SOX5: variants seen among roughly 807,000 people sequenced by gnomAD.
SOX5 encodes transcription factor SOX-5.
In SOX5, 9 loss-of-function variants were observed where a neutral mutation model predicts 92.0. The observed-to-expected ratio is 0.10, with a 90% CI of 0.06 to 0.17. The LOEUF is 0.17. Among genes scored for constraint, SOX5 ranks in the 10% least tolerant of loss-of-function variants. SOX5 has a pLI of 1.00. For synonymous variants in SOX5, 344 were observed against 336.3 expected (o/e 1.02, Z -0.25); for missense variants, 642 against 944.5 (o/e 0.68, Z 4.20).
intron 1 of SOX5, among the ~76,000 whole-genome samples, chr12:24,561,808 TA>T (rs1367917522): frequency 5.5e-5 from 6 of 110,082 alleles, no homozygotes; most frequent in African/African-American, 2.5e-4. Context: ...TGACTAAGGT[TA>T]GGGGGTGGGC....
At chr12:24,278,286 C>A (rs1301876748) in intron 2 of SOX5, among the ~76,000 whole-genome samples, 1 of 152,166 alleles carries the variant, frequency 6.6e-6, no homozygotes, top group Non-Finnish European at 1.5e-5. Flanking sequence ...ATTCCAAAAT[C>A]AGAACTTTTG....
intron 6 of SOX5, among the ~76,000 whole-genome samples, chr12:23,716,920 T>C (rs1370763595): frequency 6.6e-6 from 1 of 152,098 alleles, no homozygotes; most frequent in Non-Finnish European, 1.5e-5. Context: ...TCTCTCAAGG[T>C]ACCCTTAAAG....
In SOX5 at chr12:23,719,516, C is replaced by T. The variant is rs566343020; in HGVS notation, c.810+15168G>A. Among the ~76,000 whole-genome samples, 18 of 152,194 alleles carry T rather than the reference C, an allele frequency of 1.2e-4. No individual in the cohort carries two copies. In the East Asian group the frequency reaches 3.5e-3, roughly 29 times the overall value. On this transcript the variant is annotated intron_variant, in intron 6 of 14. Coordinates refer to ENST00000451604, the MANE Select transcript of SOX5 (RefSeq NM_006940.6). ...ATCCCAGCACTTTGGGAAGCCGAGG[C>T]ATGAGGAACCCTTAAGGCCAGAAGT... is the stretch of plus-strand genomic sequence containing the variant.
chr12:23,676,094 G>T (rs2085636086), intron 6 of SOX5, among the ~76,000 whole-genome samples: 2 of 151,968 alleles, frequency 1.3e-5, no homozygotes, highest in African/African-American at 4.8e-5. Flanking sequence ...GGGAGATGTA[G>T]GTCAAAGGGG....
chr12:24,360,607 G>A (rs765050490), intron 2 of SOX5, among the ~76,000 whole-genome samples: 5 of 152,118 alleles, frequency 3.3e-5, no homozygotes, highest in African/African-American at 7.2e-5. Context: ...ATGCAGCCTC[G>A]AGGTTTTTTG....
At chr12:23,793,262 T>C (rs1176003844) in intron 3 of SOX5, among the ~76,000 whole-genome samples, 2 of 152,196 alleles carry the variant, frequency 1.3e-5, no homozygotes, top group African/African-American at 4.8e-5. Context: ...GTAGTTACAG[T>C]GTAAGCCATT....
intron 2 of SOX5, among the ~76,000 whole-genome samples, chr12:24,315,989 A>G (rs1389295590): frequency 6.6e-6 from 1 of 152,182 alleles, no homozygotes; most frequent in Non-Finnish European, 1.5e-5. Context: ...TCTCTTTCAC[A>G]TCACTTGGGG....
At chr12:24,241,203 T>C (rs186340412) in intron 3 of SOX5, among the ~76,000 whole-genome samples, 1 of 152,312 alleles carries the variant, frequency 6.6e-6, no homozygotes, top group Admixed American at 6.5e-5. Flanking sequence ...GATACCAGGA[T>C]ATATCAATAC....
At chr12:24,488,550 C>A (rs1946747170) in intron 1 of SOX5, among the ~76,000 whole-genome samples, 1 of 152,136 alleles carries the variant, frequency 6.6e-6, no homozygotes, top group Admixed American at 6.5e-5. Flanking sequence ...GGCACCACTG[C>A]ACTCTAGCCT....
intron 9 of SOX5, among the ~76,000 whole-genome samples, chr12:23,602,257 C>G (rs1004130975): frequency 1.3e-5 from 2 of 152,136 alleles, no homozygotes; most frequent in Non-Finnish European, 1.5e-5. Context: ...TACTCATTCT[C>G]TTTTGCACAA....
At chr12:23,851,689 G>A (rs1019993985) in intron 2 of SOX5, among the ~76,000 whole-genome samples, 13 of 151,796 alleles carry the variant, frequency 8.6e-5, no homozygotes, top group Non-Finnish European at 1.5e-4. Context: ...AAATAAGAGA[G>A]GTACTTTTGT....
At chr12:23,916,441 C>T (rs1025376497) in intron 1 of SOX5, among the ~76,000 whole-genome samples, 4 of 152,092 alleles carry the variant, frequency 2.6e-5, no homozygotes, top group Middle Eastern at 3.2e-3. Context: ...GGAGTGATGT[C>T]GAGATAGTTT....
At chr12:24,047,719 G>A (rs527979981) in intron 4 of SOX5, among the ~76,000 whole-genome samples, 2 of 152,278 alleles carry the variant, frequency 1.3e-5, no homozygotes, top group African/African-American at 2.4e-5. Flanking sequence ...TATTCAACAA[G>A]ATCATACTGC....
chr12:23,658,642 A>C (rs1464059467), intron 7 of SOX5, among the ~76,000 whole-genome samples: 1 of 152,160 alleles, frequency 6.6e-6, no homozygotes, highest in African/African-American at 2.4e-5. Context: ...CCTTAATCCT[A>C]ACACTTTGGG....
At chr12:24,096,897 A>G (rs1945485303) in intron 4 of SOX5, among the ~76,000 whole-genome samples, 1 of 152,114 alleles carries the variant, frequency 6.6e-6, no homozygotes, top group South Asian at 2.1e-4. Context: ...ATATAGAATT[A>G]GAATTGCTAT....
At chr12:24,126,698 C>G (rs1406983267) in intron 4 of SOX5, among the ~76,000 whole-genome samples, 1 of 152,070 alleles carries the variant, frequency 6.6e-6, no homozygotes, top group East Asian at 1.9e-4. Context: ...TTCTTTCTGC[C>G]CAAATCCTGC....
intron 1 of SOX5, among the ~76,000 whole-genome samples, chr12:24,459,184 T>A (rs1374336626): frequency 3.9e-5 from 6 of 152,204 alleles, no homozygotes; most frequent in African/African-American, 7.2e-5. Flanking sequence ...TGTCACGAAG[T>A]GCTGGTTTAT....
At chr12:24,141,504 T>C (rs1950578157) in intron 4 of SOX5, among the ~76,000 whole-genome samples, 1 of 152,216 alleles carries the variant, frequency 6.6e-6, no homozygotes, top group Non-Finnish European at 1.5e-5. Context: ...TGGAAGAAGA[T>C]ACTAGTGTAA....
At chr12:24,216,663 C>T (rs1201465199) in intron 3 of SOX5, among the ~76,000 whole-genome samples, 1 of 152,124 alleles carries the variant, frequency 6.6e-6, no homozygotes, top group Non-Finnish European at 1.5e-5. Context: ...TGGCCCATGC[C>T]TGTAATCCCA....
Sources: gnomAD v4.1 joint callset for allele counts (sites outside exome capture counted in the v4.1 genomes callset) on GRCh38, gnomAD v4.1.1 for gene constraint, MANE v1.5 for transcripts, NCBI Gene and HGNC (gene_info 2026-07-23, HGNC 2026-07-21) for gene names.